Variants in SLC60A1 observed in about 807,000 individuals in gnomAD.
SLC60A1 encodes major facilitator superfamily domain containing 4.
the SLC60A1 span, chr1:205,600,536 G>C: frequency 6.7e-7 from 1 of 1,498,148 alleles, no homozygotes; most frequent in Non-Finnish European, 9.3e-7. Flanking sequence ...CAGAAAGCTG[G>C]GTGGTGGTGG....
the SLC60A1 span, among the ~76,000 whole-genome samples, chr1:205,593,466 AAAAAAAAGAT>A: frequency 1.3e-5 from 2 of 149,912 alleles, no homozygotes; most frequent in Admixed American, 6.7e-5. Flanking sequence ...AAAAAAAAAA[AAAAAAAAGAT>A]GAGCGATTTC....
chr1:205,593,710 G>A, the SLC60A1 span, among the ~76,000 whole-genome samples: 243 of 152,094 alleles, frequency 1.6e-3, no homozygotes, highest in African/African-American at 5.5e-3. Flanking sequence ...TATATAAGTC[G>A]TATGTGCTCA....
At chr1:205,573,427 G>GA in the SLC60A1 span, among the ~76,000 whole-genome samples, 81 of 142,462 alleles carry the variant, frequency 5.7e-4, 1 homozygote, top group South Asian at 5.1e-3. Context: ...CTCAAAAAAA[G>GA]AAAAAAAAAA....
the SLC60A1 span, chr1:205,602,194 AAATT>A: frequency 6.6e-6 from 1 of 152,534 alleles, no homozygotes; most frequent in African/African-American, 2.4e-5. Flanking sequence ...ATAAATATAA[AAATT>A]AAGTGATCAT....
At chr1:205,590,572 G>C in the SLC60A1 span, among the ~76,000 whole-genome samples, 1 of 152,292 alleles carries the variant, frequency 6.6e-6, no homozygotes, top group South Asian at 2.1e-4. Flanking sequence ...TGCTAGAGGA[G>C]CGTAAAGGCC....
the SLC60A1 span, among the ~76,000 whole-genome samples, chr1:205,574,400 C>T: frequency 6.6e-6 from 1 of 152,044 alleles, no homozygotes; most frequent in Non-Finnish European, 1.5e-5. Flanking sequence ...GCCATGATTG[C>T]ATCACTGCAC....
the SLC60A1 span, chr1:205,580,039 AG>A: frequency 7.3e-7 from 1 of 1,371,660 alleles, no homozygotes; most frequent in Non-Finnish European, 9.9e-7. The surrounding 1 kb of genome is among the most constrained non-coding windows in gnomAD (Gnocchi z 5.0). Context: ...CTCCTCCCCC[AG>A]GGGCCCACTT....
At chr1:205,579,756 C>T in the SLC60A1 span, 2 of 1,613,994 alleles carry the variant, frequency 1.2e-6, no homozygotes, top group Admixed American at 1.7e-5. Context: ...TGCAGCCTGG[C>T]CCAGTCACTA....
At chr1:205,585,179 A>C in the SLC60A1 span, among the ~76,000 whole-genome samples, 5 of 152,178 alleles carry the variant, frequency 3.3e-5, no homozygotes, top group Non-Finnish European at 5.9e-5. This position sits in a 1 kb window ranked among gnomAD's most constrained non-coding sequence, Gnocchi z 4.2. Context: ...GCACGTTGGT[A>C]CTATGGGCTT....
At chr1:205,598,064 G>A in the SLC60A1 span, 5 of 519,736 alleles carry the variant, frequency 9.6e-6, no homozygotes, top group East Asian at 3.4e-5. Flanking sequence ...GATGTAAACG[G>A]ATGCATGGAA....
At chr1:205,589,658 C>T in the SLC60A1 span, among the ~76,000 whole-genome samples, 1 of 152,004 alleles carries the variant, frequency 6.6e-6, no homozygotes, top group Admixed American at 6.6e-5. Context: ...CACTATGTTG[C>T]CCAGGCTGGT....
the SLC60A1 span, chr1:205,597,905 G>C: frequency 6.4e-7 from 1 of 1,562,222 alleles, no homozygotes; most frequent in East Asian, 2.2e-5. Flanking sequence ...TCCTCTGACA[G>C]GTGAGAAGAT....
chr1:205,569,584 A>G, the SLC60A1 span, among the ~76,000 whole-genome samples: 376 of 151,166 alleles, frequency 2.5e-3, 2 homozygotes, highest in African/African-American at 8.7e-3. Flanking sequence ...GTGAGAGGAT[A>G]AAACCAGTTC....
the SLC60A1 span, chr1:205,580,544 G>A: frequency 3.0e-6 from 4 of 1,337,760 alleles, no homozygotes; most frequent in Admixed American, 2.0e-5. This position sits in a 1 kb window ranked among gnomAD's most constrained non-coding sequence, Gnocchi z 5.0. Context: ...ATGGGGCAGA[G>A]GGTGGGGCTG....
At chr1:205,585,504 C>T in the SLC60A1 span, among the ~76,000 whole-genome samples, 5 of 152,092 alleles carry the variant, frequency 3.3e-5, no homozygotes, top group East Asian at 1.9e-4. The surrounding 1 kb of genome is among the most constrained non-coding windows in gnomAD (Gnocchi z 4.2). Flanking sequence ...TTAGGGCAGT[C>T]GTGAATGGCT....
the SLC60A1 span, chr1:205,602,179 C>T: frequency 6.6e-6 from 1 of 152,340 alleles, no homozygotes; most frequent in East Asian, 1.9e-4. Context: ...TACAAATGTA[C>T]ATGTATAAAT....
the SLC60A1 span, among the ~76,000 whole-genome samples, chr1:205,576,323 T>C: frequency 6.6e-5 from 10 of 152,132 alleles, no homozygotes; most frequent in Non-Finnish European, 1.5e-4. Context: ...AGTGAGCACC[T>C]GGGAGGGGTG....
the SLC60A1 span, chr1:205,600,342 GAA>G: frequency 1.3e-6 from 2 of 1,517,604 alleles, no homozygotes; most frequent in South Asian, 2.3e-5. Context: ...CTCTCAGAAT[GAA>G]TCATCACTGC....
At chr1:205,579,689 G>A in the SLC60A1 span, 2 of 1,585,044 alleles carry the variant, frequency 1.3e-6, no homozygotes, top group Non-Finnish European at 1.7e-6. Flanking sequence ...CCAGTGAATG[G>A]AGGAGAAGGG....
Sources: allele counts gnomAD v4.1 joint callset (sites outside exome capture counted in the v4.1 genomes callset), GRCh38; gene constraint gnomAD v4.1.1; non-coding constraint Gnocchi (gnomAD v3.1); transcripts MANE v1.5; gene names NCBI Gene and HGNC (gene_info 2026-07-23, HGNC 2026-07-21).